Variants in LMLN observed in about 807,000 individuals in gnomAD.
LMLN encodes the protein leishmanolysin-like peptidase.
In LMLN, 70 loss-of-function variants were observed where a neutral mutation model predicts 92.3. The observed-to-expected ratio is 0.76, with a 90% CI of 0.63 to 0.92. The LOEUF is 0.92. LMLN is among the 40% of genes least tolerant of loss of function. LMLN has a pLI of 0.00. For missense variants in LMLN, 691 were observed against 814.6 expected (o/e 0.85, Z 1.85); for synonymous variants, 308 against 296.2 (o/e 1.04, Z -0.41).
chr3:198,025,459 C>T lies in LMLN; in HGVS notation c.1656+671C>T, dbSNP rs898846173. 1.8e-4 allele frequency among the ~76,000 whole-genome samples: 27 copies of T among 152,018 alleles called. No homozygotes were observed. The highest frequency in any genetic ancestry group is 2.9e-4 in the Non-Finnish European group (20 of 68,002). ...CAGTCACGGCTCATTATATCCTCTA[C>T]CTCCTGGGTTCAAGCGACCTTCCCA... On this transcript the variant is annotated intron_variant, in intron 14 of 15. Transcript: ENST00000330198. This position sits in a 1 kb window ranked among gnomAD's most constrained non-coding sequence, Gnocchi z 4.3.
At chr3:197,996,815 C>T (rs1471418094) in intron 10 of LMLN, among the ~76,000 whole-genome samples, 1 of 152,128 alleles carries the variant, frequency 6.6e-6, no homozygotes, top group African/African-American at 2.4e-5. Flanking sequence ...GTCATCCAGG[C>T]TGGAGTGCTG....
At chr3:198,020,979 T>C (rs1007582111) in intron 12 of LMLN, among the ~76,000 whole-genome samples, 14 of 151,876 alleles carry the variant, frequency 9.2e-5, no homozygotes, top group Admixed American at 7.2e-4. Context: ...CTTGTACCTT[T>C]GGTATTCAAA....
intron 14 of LMLN, among the ~76,000 whole-genome samples, chr3:198,030,872 C>T (rs1027027134): frequency 2.6e-5 from 4 of 152,248 alleles, no homozygotes; most frequent in African/African-American, 7.2e-5. Context: ...CGTGGGAAGG[C>T]GGGACTTCAT....
At chr3:198,017,063 A>G (rs1261207035) in intron 11 of LMLN, among the ~76,000 whole-genome samples, 1 of 152,040 alleles carries the variant, frequency 6.6e-6, no homozygotes, top group Non-Finnish European at 1.5e-5. Context: ...TCAAGGCTGC[A>G]GTGAGCAATG....
At chr3:197,986,120 G>A (rs1176419813) in intron 8 of LMLN, among the ~76,000 whole-genome samples, 1 of 152,188 alleles carries the variant, frequency 6.6e-6, no homozygotes, top group Admixed American at 6.5e-5. Flanking sequence ...CCATTCTTAA[G>A]CTGATAATTT....
chr3:198,017,346 C>T (rs1351643713), intron 11 of LMLN, among the ~76,000 whole-genome samples: 1 of 152,158 alleles, frequency 6.6e-6, no homozygotes, highest in Non-Finnish European at 1.5e-5. Context: ...TGGGCTTCGT[C>T]ATTTGTGACT....
At chr3:198,037,698 C>G (rs571322510) in intron 15 of LMLN, among the ~76,000 whole-genome samples, 52 of 152,252 alleles carry the variant, frequency 3.4e-4, no homozygotes, top group African/African-American at 1.0e-3. Flanking sequence ...GCAACTCATC[C>G]TAAAATAAGG....
chr3:198,002,157 A>T (rs897457799), intron 11 of LMLN, among the ~76,000 whole-genome samples: 2 of 152,076 alleles, frequency 1.3e-5, no homozygotes, highest in African/African-American at 4.8e-5. Context: ...CTCTTACTAG[A>T]ACTTTTTTTT....
intron 11 of LMLN, among the ~76,000 whole-genome samples, chr3:198,006,841 T>G (rs1722308022): frequency 6.6e-6 from 1 of 152,078 alleles, no homozygotes; most frequent in African/African-American, 2.4e-5. Context: ...GCCTCCAGAG[T>G]AGCTGGGACT....
At chr3:198,015,944 C>G (rs1159296083) in intron 11 of LMLN, among the ~76,000 whole-genome samples, 1 of 151,940 alleles carries the variant, frequency 6.6e-6, no homozygotes, top group East Asian at 1.9e-4. Flanking sequence ...GTGGCTCATA[C>G]CTGTAATCCC....
intron 11 of LMLN, among the ~76,000 whole-genome samples, chr3:198,011,666 A>G (rs1470930882): frequency 1.3e-5 from 2 of 151,212 alleles, no homozygotes; most frequent in Admixed American, 6.6e-5. Flanking sequence ...GTCAAATGGT[A>G]TTTCTAGTTC....
exon 4 of LMLN, chr3:197,976,058 T>C: frequency 2.5e-6 from 4 of 1,606,998 alleles, no homozygotes; most frequent in South Asian, 1.1e-5. Context: ...CGATTTCTTA[T>C]TTAGAGAAGA....
intron 11 of LMLN, among the ~76,000 whole-genome samples, chr3:198,010,805 G>A (rs954277467): frequency 1.3e-5 from 2 of 152,078 alleles, no homozygotes; most frequent in Admixed American, 1.3e-4. Flanking sequence ...GATATTTCCT[G>A]TTTCTAATGT....
chr3:198,019,990 A>G lies in LMLN; in HGVS notation c.1365+605A>G, dbSNP rs1282612379. On this transcript the variant is annotated intron_variant, in intron 12 of 15. Transcript: ENST00000330198. The surrounding 1 kb of genome is among the most constrained non-coding windows in gnomAD (Gnocchi z 5.5). ...ATTCTTGTGCCTCAGCCTCCCGAGT[A>G]GCTGGGTTTACAGCTGCAAGCCACC... 6.6e-6 allele frequency among the ~76,000 whole-genome samples: 1 copy of G among 152,032 alleles called. No homozygotes were observed. Among genetic ancestry groups the G allele is most frequent in the Non-Finnish European group, 1.5e-5 (1 of 67,998 alleles).
chr3:197,968,730 G>A (rs1312142402), intron 1 of LMLN, among the ~76,000 whole-genome samples: 1 of 152,126 alleles, frequency 6.6e-6, no homozygotes, highest in Non-Finnish European at 1.5e-5. Context: ...AGCATGAGTT[G>A]GGACATGTCC....
chr3:197,988,376 A>G (rs532783204), intron 8 of LMLN, among the ~76,000 whole-genome samples: 1 of 150,410 alleles, frequency 6.6e-6, no homozygotes, highest in Non-Finnish European at 1.5e-5. Flanking sequence ...CTTTACATTT[A>G]TAGCTTCAAT....
At chr3:197,974,470 G>A in exon 2 of LMLN, 1 of 1,471,024 alleles carries the variant, frequency 6.8e-7, no homozygotes, top group Non-Finnish European at 9.4e-7. Context: ...TAAAAGTGTT[G>A]AAGAGTAAGT....
Position 198,038,730 on chromosome 3 carries a change from G to A in LMLN, c.*63G>A, listed in dbSNP as rs552085523. ...TATGTTCTTGTGAACAAAGCACAAA[G>A]TTTGAGTGAGTGCCAACCTATGCAG... is the stretch of plus-strand genomic sequence containing the variant. On this transcript the variant is annotated 3_prime_UTR_variant, in exon 16 of 16. Transcript: ENST00000330198. The A allele has an allele frequency of 1.0e-5, 13 of 1,246,196 alleles. No individual in the cohort carries two copies. In the Admixed American group the frequency reaches 2.2e-4, roughly 21 times the overall value. 77.2% of individuals were successfully genotyped at this position (1,246,196 alleles called of 1,614,324 possible).
chr3:197,978,857 G>C (rs1191816351), intron 5 of LMLN, among the ~76,000 whole-genome samples: 1 of 152,090 alleles, frequency 6.6e-6, no homozygotes, highest in African/African-American at 2.4e-5. Context: ...TGGGCATGGT[G>C]GTGGGTGCCT....
Sources: gnomAD v4.1 joint callset for allele counts (sites outside exome capture counted in the v4.1 genomes callset) on GRCh38, gnomAD v4.1.1 for gene constraint, Gnocchi (gnomAD v3.1) non-coding constraint, MANE v1.5 for transcripts, NCBI Gene and HGNC (gene_info 2026-07-23, HGNC 2026-07-21) for gene names.